SLBP: variants seen among roughly 807,000 people sequenced by gnomAD.
SLBP encodes the protein histone RNA hairpin-binding protein.
Under a neutral mutation model 39.2 loss-of-function variants are expected in SLBP, and 29 were observed. The ratio of observed to expected loss-of-function variants is 0.74; its 90% CI spans 0.55 to 1.01. The LOEUF is 1.01. Ranked by LOEUF, SLBP falls within the 50% of genes least tolerant of loss-of-function variation. SLBP has a pLI of 0.00. For missense variants in SLBP, 390 were observed against 350.2 expected, an observed-to-expected ratio of 1.11 and a Z score of -0.91; for synonymous variants, 129 against 118.7, an observed-to-expected ratio of 1.09 and a Z score of -0.57.
Position 1,712,224 on chromosome 4 carries a change from G to T in SLBP, c.-36C>A, listed in dbSNP as rs1395743963. 10 of 1,231,472 alleles carry T rather than the reference G, an allele frequency of 8.1e-6. No individual in the cohort carries two copies. Among genetic ancestry groups the T allele is most frequent in the Non-Finnish European group, 1.0e-5 (10 of 971,220 alleles). 76.3% of individuals were successfully genotyped at this position (1,231,472 alleles called of 1,614,324 possible). Reference sequence around the variant, plus strand: ...GCCGGGCGCGCAGCGCAGGGCCGAGGCTGAGGCGGCGGCGGCGCGGGCAGA... The same window carrying T: ...GCCGGGCGCGCAGCGCAGGGCCGAGTCTGAGGCGGCGGCGGCGCGGGCAGA... On this transcript the variant is annotated 5_prime_UTR_variant, in exon 1 of 8. Transcript: ENST00000489418.
rs1000662263 is a variant in SLBP at position 1,712,202 on chromosome 4, G to C, written c.-14C>G. On this transcript the variant is annotated 5_prime_UTR_variant, in exon 1 of 8. Coordinates refer to ENST00000489418, the MANE Select transcript of SLBP (RefSeq NM_006527.4). The stretch of plus-strand genomic sequence containing the variant: ...GCGGCAGGCCATGGCAGCACGGGCC[G>C]GGCGCGCAGCGCAGGGCCGAGGCTG... 7.2e-6 allele frequency: 9 copies of C among 1,246,358 alleles called. No individual in the cohort carries two copies. Among genetic ancestry groups the C allele is most frequent in the African/African-American group, 1.6e-5 (1 of 63,452 alleles). The allele number at this position is 1,246,358 out of a possible 1,614,324, so 77.2% of individuals were successfully genotyped here. A position where few individuals can be genotyped will look rare whatever the true frequency, so the allele number is the denominator to read the frequency against.
At chr4:1,703,067 T>C (rs1316582349) in intron 3 of SLBP, among the ~76,000 whole-genome samples, 1 of 151,716 alleles carries the variant, frequency 6.6e-6, no homozygotes, top group East Asian at 1.9e-4. Context: ...TGAAACCCCA[T>C]CTCTACAAAA....
At chr4:1,712,029 CG>C in intron 1 of SLBP, 39 bp from the exon 2 acceptor site, 1 of 1,257,084 alleles carries the variant, frequency 8.0e-7, no homozygotes, top group South Asian at 2.7e-5. Flanking sequence ...ACGGGAGGTT[CG>C]GGACCGCCTT....
rs368460858 is a variant in SLBP at position 1,699,495 on chromosome 4, A to G, written c.479+69T>C. The G allele has an allele frequency of 1.2e-4, 185 of 1,523,252 alleles. 1 individual carries two copies. The highest frequency in any genetic ancestry group is 1.2e-3 in the South Asian group (106 of 87,694). 94.4% of individuals were successfully genotyped at this position (1,523,252 alleles called of 1,614,324 possible). ...TCCCCAGCATCATTTGTACTACCCA[A>G]TCTAAGCAACTCTTTAGAAACGCAA... On this transcript the variant is annotated intron_variant, in intron 5 of 7. Coordinates refer to ENST00000489418, the MANE Select transcript of SLBP (RefSeq NM_006527.4).
At chr4:1,697,601 G>A (rs1716160829) in intron 5 of SLBP, among the ~76,000 whole-genome samples, 1 of 152,206 alleles carries the variant, frequency 6.6e-6, no homozygotes. Context: ...AGCACTTTGG[G>A]AGGCCGAGGC....
At position 1,699,621 on chromosome 4, in the gene SLBP, T is replaced by C; in HGVS notation, c.422A>G (p.Gln141Arg). Residue 141 changes from glutamine (Q) to arginine (R), a missense_variant, in exon 5 of 8, where the codon CAG becomes CGG. Transcript: ENST00000489418. The part of the protein sequence containing the change: ...DESVLMRRQK[Q>R]INYGKNTIAY... The stretch of plus-strand genomic sequence containing the variant: ...AATTGTGTTCTTCCCATAGTTGATC[T>C]GCTTCTGTCTCCTCATTAGGACACT... The C allele has an allele frequency of 1.2e-6, 2 of 1,613,746 alleles. No individual in the cohort carries two copies. The highest frequency in any genetic ancestry group is 8.5e-7 in the Non-Finnish European group (1 of 1,179,590).
At chr4:1,695,557 T>C (rs1247116872) in intron 6 of SLBP, among the ~76,000 whole-genome samples, 2 of 152,136 alleles carry the variant, frequency 1.3e-5, no homozygotes, top group Non-Finnish European at 2.9e-5. Flanking sequence ...CCCAGCACTT[T>C]GGGAGGCTGA....
chr4:1,696,096 G>T, intron 6 of SLBP, 106 bp downstream of exon 6: 2 of 953,828 alleles, frequency 2.1e-6, no homozygotes, highest in Non-Finnish European at 3.0e-6. Flanking sequence ...CTCCCCAACA[G>T]CTGCTGGGGG....
At position 1,712,270 on chromosome 4, in the gene SLBP, C is replaced by T. The variant is rs560781279; in HGVS notation, c.-82G>A. The T allele has an allele frequency of 1.5e-4, 134 of 900,778 alleles. 1 individual carries two copies. Among genetic ancestry groups the T allele is most frequent in the East Asian group, 1.4e-3 (35 of 25,618 alleles). The allele number at this position is 900,778 out of a possible 1,614,324, so 55.8% of individuals were successfully genotyped here. A position where few individuals can be genotyped will look rare whatever the true frequency, so the allele number is the denominator to read the frequency against. On this transcript the variant is annotated 5_prime_UTR_variant, in exon 1 of 8. Transcript: ENST00000489418. ...GCAGAGAGCGCAGAGTAGAGCAGGG[C>T]AGGGCCTGAGGCAGAAACCCGCGTC...
chr4:1,712,144 G>C lies in SLBP; in HGVS notation c.45C>G (p.Cys15Trp). Residue 15 changes from cysteine (C) to tryptophan (W), a missense_variant, in exon 1 of 8, where the codon TGC (cysteine) becomes TGG (tryptophan). Cys to Trp is a radical substitution (Grantham distance 215, BLOSUM62 -2). Coordinates refer to ENST00000489418, the MANE Select transcript of SLBP (RefSeq NM_006527.4). ...CCCGGCCTCACCTGGCGTCACCGTCGCAGCGGCTCTGATGCCTCGGCGGGC... is the reference window on the plus strand; with the variant it reads ...CCCGGCCTCACCTGGCGTCACCGTCCCAGCGGCTCTGATGCCTCGGCGGGC... ...PRSPPRHQSR[C>W]DGDASPPSPA... The C allele has an allele frequency of 2.4e-6, 3 of 1,230,484 alleles. No individual in the cohort carries two copies. Among genetic ancestry groups the C allele is most frequent in the Non-Finnish European group, 3.0e-6 (3 of 987,908 alleles). The allele number at this position is 1,230,484 out of a possible 1,614,324, so 76.2% of individuals were successfully genotyped here. A position where few individuals can be genotyped will look rare whatever the true frequency, so the allele number is the denominator to read the frequency against.
In SLBP at chr4:1,712,200, C is replaced by A; in HGVS notation, c.-12G>T. 8.0e-7 allele frequency: 1 copy of A among 1,249,544 alleles called. No individual in the cohort carries two copies. Among genetic ancestry groups the A allele is most frequent in the Non-Finnish European group, 1.0e-6 (1 of 1,001,032 alleles). 77.4% of individuals were successfully genotyped at this position (1,249,544 alleles called of 1,614,324 possible). On this transcript the variant is annotated 5_prime_UTR_variant, in exon 1 of 8. Coordinates refer to ENST00000489418, the MANE Select transcript of SLBP (RefSeq NM_006527.4). Reference sequence around the variant, plus strand: ...GGGCGGCAGGCCATGGCAGCACGGGCCGGGCGCGCAGCGCAGGGCCGAGGC... The same window carrying A: ...GGGCGGCAGGCCATGGCAGCACGGGACGGGCGCGCAGCGCAGGGCCGAGGC...
In SLBP at chr4:1,696,315, AG is replaced by A. The variant is rs34904651; in HGVS notation, c.515del (p.Pro172LeufsTer42). The A allele has an allele frequency of 1.2e-6, 2 of 1,600,260 alleles. No homozygotes were observed. On this transcript the variant is annotated frameshift_variant, in exon 6 of 8. Coordinates refer to ENST00000489418, the MANE Select transcript of SLBP (RefSeq NM_006527.4). LOFTEE classifies it high-confidence loss of function. Reference protein sequence around the residue: ...LRQPGIHPKTPNKFKKYSRRS... With the variant: ...LRQPGIHPKTXNKFKKYSRRS... Reference sequence around the variant, plus strand: ...GTCGACTATACTTCTTAAATTTATTAGGGGTCTTGGGATGAATGCCAGGTTG... The same window carrying A: ...GTCGACTATACTTCTTAAATTTATTAGGGTCTTGGGATGAATGCCAGGTTG...
rs1368920094 is a variant in SLBP, at chr4:1,693,621, C to G, written c.789G>C (p.Leu263Phe). ...FDLEACLTEP[L>F]RDFSAMS ...GTTAGCTCATGGCTGAGAAGTCTCTCAAGGGTTCAGTTAAACAAGCTTCCA... is the reference window on the plus strand; with the variant it reads ...GTTAGCTCATGGCTGAGAAGTCTCTGAAGGGTTCAGTTAAACAAGCTTCCA... Residue 263 changes from leucine to phenylalanine, a missense_variant, in exon 8 of 8, where the codon TTG (leucine) becomes TTC (phenylalanine). Coordinates refer to ENST00000489418, the MANE Select transcript of SLBP (RefSeq NM_006527.4). 6.2e-7 allele frequency: 1 copy of G among 1,613,106 alleles called. No individual in the cohort carries two copies. Among genetic ancestry groups the G allele is most frequent in the East Asian group, 2.2e-5 (1 of 44,868 alleles).
In SLBP at chr4:1,699,539, A is replaced by G. The variant is rs771917518; in HGVS notation, c.479+25T>C. 1.9e-6 allele frequency: 3 copies of G among 1,612,998 alleles called. No individual in the cohort carries two copies. In the Admixed American group the frequency reaches 5.0e-5, roughly 27 times the overall value. ...AACGCAATGCCACACAGCTTGTTCA[A>G]GACATGCCACTGAAACAAGACTACC... On this transcript the variant is annotated intron_variant, in intron 5 of 7. Transcript: ENST00000489418.
chr4:1,693,609 T>C lies in SLBP; in HGVS notation c.801A>G (p.Ser267=). The change falls in exon 8 of 8, where the codon TCA becomes TCG. Residue 267 remains serine, a synonymous_variant. Coordinates refer to ENST00000489418, the MANE Select transcript of SLBP (RefSeq NM_006527.4). Reference sequence around the variant, plus strand: ...CGCCAGGGGGCAGTTAGCTCATGGCTGAGAAGTCTCTCAAGGGTTCAGTTA... The same window carrying C: ...CGCCAGGGGGCAGTTAGCTCATGGCCGAGAAGTCTCTCAAGGGTTCAGTTA... ...ACLTEPLRDF[S]AMS The C allele has an allele frequency of 1.2e-6, 2 of 1,610,322 alleles. No individual in the cohort carries two copies. Among genetic ancestry groups the C allele is most frequent in the South Asian group, 2.2e-5 (2 of 91,002 alleles).
rs2108668915 is a variant in SLBP at position 1,712,183 on chromosome 4, G to A, written c.6C>T (p.Ala2=). 2.4e-6 allele frequency: 3 copies of A among 1,246,574 alleles called. No homozygotes were observed. The highest frequency in any genetic ancestry group is 3.4e-5 in the South Asian group (1 of 29,576). The allele number at this position is 1,246,574 out of a possible 1,614,324, so 77.2% of individuals were successfully genotyped here. Residue 2 remains alanine (A), a synonymous_variant, in exon 1 of 8, where the codon GCC becomes GCT. Coordinates refer to ENST00000489418, the MANE Select transcript of SLBP (RefSeq NM_006527.4). ...GCCTCGGCGGGCTTCGCGGGCGGCA[G>A]GCCATGGCAGCACGGGCCGGGCGCG... The part of the protein sequence containing the change: M[A]CRPRSPPRHQ...
At chr4:1,703,253 A>AG (rs1491477960) in intron 3 of SLBP, among the ~76,000 whole-genome samples, 1 of 140,788 alleles carries the variant, frequency 7.1e-6, no homozygotes, top group Non-Finnish European at 1.5e-5. Context: ...AAAAAAAAAA[A>AG]GAAAGTTAGT....
At chr4:1,703,036 A>G (rs1716384640) in intron 3 of SLBP, among the ~76,000 whole-genome samples, 1 of 152,082 alleles carries the variant, frequency 6.6e-6, no homozygotes, top group Non-Finnish European at 1.5e-5. Flanking sequence ...CAGGAGTTCA[A>G]GACCAGCCTG....
At position 1,706,125 on chromosome 4, in the gene SLBP, A is replaced by T. The variant is rs368042305; in HGVS notation, c.177-2425T>A. Among the ~76,000 whole-genome samples, 312 of 152,242 alleles carry T rather than the reference A, an allele frequency of 2.0e-3. 4 individuals are homozygous for T. Among genetic ancestry groups the T allele is most frequent in the South Asian group, 8.3e-3 (40 of 4,830 alleles). ...CATGGCGAAACCCCATCTCTAATAA[A>T]AATACAAAAATTAGCCAGGTGCAGT... On this transcript the variant is annotated intron_variant, in intron 2 of 7. Coordinates refer to ENST00000489418, the MANE Select transcript of SLBP (RefSeq NM_006527.4).
Sources: gnomAD v4.1 joint callset for allele counts (sites outside exome capture counted in the v4.1 genomes callset) on GRCh38, gnomAD v4.1.1 for gene constraint, MANE v1.5 for transcripts, NCBI Gene and HGNC (gene_info 2026-07-23, HGNC 2026-07-21) for gene names.